Variants in THBS4 observed in about 807,000 individuals in gnomAD.
THBS4 encodes thrombospondin-4.
Under a neutral mutation model 115.7 loss-of-function variants are expected in THBS4, and 90 were observed. The observed-to-expected ratio is 0.78, with a 90% CI of 0.66 to 0.93. THBS4 has a LOEUF of 0.93. THBS4 is among the 40% of genes least tolerant of loss of function. THBS4 has a pLI of 0.00. For synonymous variants in THBS4, 460 were observed against 479.3 expected, an observed-to-expected ratio of 0.96 and a Z score of 0.53; for missense variants, 1,087 against 1,232.7, an observed-to-expected ratio of 0.88 and a Z score of 1.77.
chr5:80,002,923 GA>G (rs1194317492), intron 2 of THBS4, among the ~76,000 whole-genome samples: 130 of 119,226 alleles, frequency 1.1e-3, no homozygotes, highest in East Asian at 2.4e-3. Context: ...AAGATCATTT[GA>G]AAAAAAAAAA....
intron 2 of THBS4, among the ~76,000 whole-genome samples, chr5:80,019,041 G>GTTTTTTTTTTTTTTTTT (rs537532061): frequency 7.4e-6 from 1 of 135,012 alleles, no homozygotes. Context: ...CTCTGTGATT[G>GTTTTTTTTTTTTTTTTT]TTTTTTTTTT....
At chr5:80,042,120 G>C (rs911961038) in intron 2 of THBS4, among the ~76,000 whole-genome samples, 1 of 152,184 alleles carries the variant, frequency 6.6e-6, no homozygotes, top group African/African-American at 2.4e-5. Context: ...GGAGGTGTCA[G>C]ATAATAAAGT....
rs1743472987 is a variant in THBS4, at chr5:80,080,906, A to C, written c.2684+829A>C. ...AGCCATAGCTTATTATTTTATCTTG[A>C]TCTCCCCAGTGCCTAGCACAAAGCC... On this transcript the variant is annotated intron_variant, in intron 20 of 21. Coordinates refer to ENST00000350881, the MANE Select transcript of THBS4 (RefSeq NM_003248.6). 3.3e-5 allele frequency among the ~76,000 whole-genome samples: 5 copies of C among 151,964 alleles called. No individual in the cohort carries two copies. The South Asian group carries it at 6.2e-4, about 19-fold the overall frequency.
chr5:80,010,776 G>A (rs2451933), intron 2 of THBS4, among the ~76,000 whole-genome samples: 35,259 of 152,212 alleles, frequency 0.23, 4,399 homozygotes, highest in African/African-American at 0.32. Context: ...GGGCGTTGAA[G>A]CTGAGCTGGT....
chr5:80,011,820 C>G (rs1237594208), intron 2 of THBS4, among the ~76,000 whole-genome samples: 1 of 145,500 alleles, frequency 6.9e-6, no homozygotes, highest in Admixed American at 6.9e-5. Context: ...TGCTACATAT[C>G]AGAAAAAGTC....
At chr5:80,068,341 G>A (rs1833912209) in intron 10 of THBS4, among the ~76,000 whole-genome samples, 1 of 152,132 alleles carries the variant, frequency 6.6e-6, no homozygotes, top group South Asian at 2.1e-4. Context: ...CCTCTTGGCT[G>A]GGGGGCAACC....
intron 2 of THBS4, among the ~76,000 whole-genome samples, chr5:80,026,188 A>G (rs148039078): frequency 1.3e-5 from 2 of 152,350 alleles, no homozygotes; most frequent in African/African-American, 4.8e-5. Flanking sequence ...AATTTATATG[A>G]ACCTGGATCA....
chr5:80,022,079 C>G (rs1184969939), intron 2 of THBS4, among the ~76,000 whole-genome samples: 3 of 152,090 alleles, frequency 2.0e-5, no homozygotes, highest in African/African-American at 7.2e-5. Context: ...GGGCTTTTCA[C>G]CCTAGGATGT....
chr5:80,012,231 A>G, intron 2 of THBS4, among the ~76,000 whole-genome samples: 1 of 152,166 alleles, frequency 6.6e-6, no homozygotes, highest in East Asian at 1.9e-4. Flanking sequence ...AAATAGCCAG[A>G]CCAGCCTCTG....
chr5:79,996,231 T>A (rs942604136), intron 1 of THBS4, among the ~76,000 whole-genome samples: 25 of 152,130 alleles, frequency 1.6e-4, no homozygotes, highest in Non-Finnish European at 3.7e-4. Flanking sequence ...AAAGGTCAAA[T>A]GTAAATTAGT....
chr5:80,040,025 T>C, intron 1 of THBS4, 52 bp from the exon 2 acceptor site: 1 of 1,552,344 alleles, frequency 6.4e-7, no homozygotes. Context: ...AAACCCTGTT[T>C]TCCCCAAAAT....
chr5:80,013,056 G>A (rs1561293328), intron 2 of THBS4, among the ~76,000 whole-genome samples: 1 of 152,148 alleles, frequency 6.6e-6, no homozygotes, highest in Non-Finnish European at 1.5e-5. Flanking sequence ...CAAGGCCAAG[G>A]GATCCTCAAA....
Position 80,045,687 on chromosome 5 carries a change from G to T in THBS4, c.292+5407G>T, listed in dbSNP as rs535117849. Among the ~76,000 whole-genome samples the T allele has an allele frequency of 5.3e-5, 8 of 152,062 alleles. No homozygotes were observed. In the South Asian group the frequency reaches 1.7e-3, roughly 32 times the overall value. ...CTGGGATTATAGGCATGCGCCACCA[G>T]ACCCAGCTAATTTTTGTATTTTTAG... On this transcript the variant is annotated intron_variant, in intron 2 of 21. Transcript: ENST00000350881.
intron 15 of THBS4, among the ~76,000 whole-genome samples, chr5:80,073,552 T>A (rs1195863860): frequency 6.6e-6 from 1 of 151,990 alleles, no homozygotes; most frequent in Non-Finnish European, 1.5e-5. Flanking sequence ...CCTGGCTAAT[T>A]TTTTTGTATT....
Position 80,079,970 on chromosome 5 carries a change from C to G in THBS4, c.2577C>G (p.Thr859=). The G allele has an allele frequency of 1.2e-6, 2 of 1,614,058 alleles. No homozygotes were observed. Among genetic ancestry groups the G allele is most frequent in the Non-Finnish European group, 1.7e-6 (2 of 1,179,998 alleles). The change falls in exon 20 of 22, where the codon ACC becomes ACG. Residue 859 remains threonine (T), a synonymous_variant. Coordinates refer to ENST00000350881, the MANE Select transcript of THBS4 (RefSeq NM_003248.6). ...LRNSLWHTGD[T]SDQVRLLWKD... The stretch of plus-strand genomic sequence containing the variant: ...ACTCCCTGTGGCACACGGGGGACAC[C>G]AGTGACCAGGTCAGGCTGCTGTGGA...
intron 2 of THBS4, among the ~76,000 whole-genome samples, chr5:80,007,937 A>G (rs1171013197): frequency 1.3e-5 from 2 of 152,220 alleles, no homozygotes; most frequent in Non-Finnish European, 2.9e-5. Flanking sequence ...TGCTCCTACA[A>G]GAAAAGAGAA....
intron 10 of THBS4, 23 bp downstream of exon 10, chr5:80,068,148 C>G: frequency 6.2e-7 from 1 of 1,612,116 alleles, no homozygotes; most frequent in Non-Finnish European, 8.5e-7. Flanking sequence ...TTGACTTCCT[C>G]TATCATTTTT....
chr5:80,079,262 T>C lies in THBS4; in HGVS notation c.2511+4T>C, dbSNP rs2112169900. 6.3e-7 allele frequency: 1 copy of C among 1,596,948 alleles called. No individual in the cohort carries two copies. Among genetic ancestry groups the C allele is most frequent in the East Asian group, 2.2e-5 (1 of 44,668 alleles). The stretch of plus-strand genomic sequence containing the variant: ...AGAACCTGGCATTCAGCTCAAGGTA[T>C]TGGTGGTTTGAAGTCATTCATCTCC... On this transcript the variant is annotated splice_donor_region_variant and intron_variant, in intron 19 of 21. Transcript: ENST00000350881.
At chr5:80,000,749 C>T (rs1831882302) in intron 2 of THBS4, among the ~76,000 whole-genome samples, 1 of 151,986 alleles carries the variant, frequency 6.6e-6, no homozygotes, top group African/African-American at 2.4e-5. Flanking sequence ...GGTGTATTTC[C>T]AGTGTGGAAC....
Sources: allele counts gnomAD v4.1 joint callset (sites outside exome capture counted in the v4.1 genomes callset), GRCh38; gene constraint gnomAD v4.1.1; transcripts MANE v1.5; gene names NCBI Gene and HGNC (gene_info 2026-07-23, HGNC 2026-07-21).